The following CLSTN2 variants were observed in gnomAD, a reference collection of about 807,000 sequenced individuals.
CLSTN2 encodes calsyntenin 2.
CLSTN2 carries 48 observed loss-of-function variants against 101.2 expected under a neutral mutation model. That is an observed-to-expected ratio of 0.47 (90% CI 0.38 to 0.60). The LOEUF is 0.60. Among genes scored for constraint, CLSTN2 ranks in the 20% least tolerant of loss-of-function variants. The pLI is 0.00. For synonymous variants in CLSTN2, 481 were observed against 463.6 expected (o/e 1.04, Z -0.48); for missense variants, 1,160 against 1,238.2 (o/e 0.94, Z 0.95).
chr3:140,483,674 A>C (rs1934177639), intron 8 of CLSTN2, among the ~76,000 whole-genome samples: 1 of 152,026 alleles, frequency 6.6e-6, no homozygotes, highest in Non-Finnish European at 1.5e-5. Flanking sequence ...TTCTTGTTGA[A>C]TTGATCCCTT....
At chr3:140,174,269 C>T (rs772292481) in intron 1 of CLSTN2, among the ~76,000 whole-genome samples, 5 of 152,128 alleles carry the variant, frequency 3.3e-5, no homozygotes, top group Admixed American at 6.5e-5. Flanking sequence ...TAACAAGAGT[C>T]ACCTTTGCTC....
chr3:140,490,604 A>G (rs1323785801), intron 8 of CLSTN2, among the ~76,000 whole-genome samples: 1 of 151,538 alleles, frequency 6.6e-6, no homozygotes, highest in African/African-American at 2.4e-5. Flanking sequence ...CAGAAAAAAA[A>G]AAAAAAAAAA....
intron 2 of CLSTN2, among the ~76,000 whole-genome samples, chr3:140,353,892 A>T (rs527755866): frequency 6.6e-6 from 1 of 152,316 alleles, no homozygotes; most frequent in Admixed American, 6.5e-5. Context: ...GATTGTAGGC[A>T]GAGGGACAAC....
chr3:140,367,883 G>C (rs1390514676), intron 2 of CLSTN2, among the ~76,000 whole-genome samples: 3 of 152,158 alleles, frequency 2.0e-5, no homozygotes, highest in Admixed American at 1.3e-4. Context: ...CTCAGCTTGA[G>C]GCCTGGAGCA....
intron 1 of CLSTN2, among the ~76,000 whole-genome samples, chr3:140,160,496 CTT>C (rs1324515952): frequency 6.6e-6 from 1 of 152,132 alleles, no homozygotes; most frequent in African/African-American, 2.4e-5. Flanking sequence ...TCAGGAATGA[CTT>C]TTCCTCCTGA....
intron 1 of CLSTN2, among the ~76,000 whole-genome samples, chr3:140,064,064 G>A (rs1023414837): frequency 5.3e-5 from 8 of 152,124 alleles, no homozygotes; most frequent in East Asian, 3.9e-4. Flanking sequence ...ATACCTGCCC[G>A]GTGAGCAAGC....
At chr3:140,103,451 A>G in intron 1 of CLSTN2, among the ~76,000 whole-genome samples, 1 of 152,232 alleles carries the variant, frequency 6.6e-6, no homozygotes, top group East Asian at 1.9e-4. Flanking sequence ...CACGACTGCC[A>G]TAGTGCCTCC....
chr3:140,531,893 G>T (rs1459613529), intron 8 of CLSTN2, among the ~76,000 whole-genome samples: 1 of 152,156 alleles, frequency 6.6e-6, no homozygotes, highest in Non-Finnish European at 1.5e-5. Flanking sequence ...TGAGATCCTT[G>T]GTTCCTGATC....
chr3:140,036,263 C>A (rs186034074), intron 1 of CLSTN2, among the ~76,000 whole-genome samples: 3 of 152,112 alleles, frequency 2.0e-5, no homozygotes, highest in African/African-American at 7.2e-5. Context: ...ATTCTACTTA[C>A]GTTCTGTATC....
intron 2 of CLSTN2, among the ~76,000 whole-genome samples, chr3:140,216,897 G>A (rs1170380050): frequency 2.6e-5 from 4 of 152,148 alleles, no homozygotes; most frequent in African/African-American, 4.8e-5. Context: ...TTGACCATAT[G>A]CCAGGCTCTG....
At chr3:140,196,780 T>C (rs1018948257) in intron 2 of CLSTN2, among the ~76,000 whole-genome samples, 3 of 152,332 alleles carry the variant, frequency 2.0e-5, no homozygotes, top group African/African-American at 4.8e-5. Flanking sequence ...AACCCCAGAA[T>C]TGAAGATTCT....
intron 5 of CLSTN2, among the ~76,000 whole-genome samples, chr3:140,432,215 G>A (rs115807479): frequency 0.016 from 2,481 of 152,166 alleles, 63 homozygotes; most frequent in African/African-American, 0.056. Context: ...AGCTCACTCT[G>A]CAACCTTGGG....
At chr3:140,015,748 A>C (rs912450965) in intron 1 of CLSTN2, among the ~76,000 whole-genome samples, 2 of 152,270 alleles carry the variant, frequency 1.3e-5, no homozygotes, top group African/African-American at 4.8e-5. Flanking sequence ...CCCGATGATC[A>C]GGCCTGTCTG....
intron 2 of CLSTN2, among the ~76,000 whole-genome samples, chr3:140,246,825 G>A (rs1166185507): frequency 6.6e-6 from 1 of 152,066 alleles, no homozygotes; most frequent in Non-Finnish European, 1.5e-5. Flanking sequence ...TACATGTCAG[G>A]GCTTCCTTAT....
chr3:140,292,673 A>C (rs2086966394), intron 2 of CLSTN2, among the ~76,000 whole-genome samples: 1 of 152,250 alleles, frequency 6.6e-6, no homozygotes, highest in South Asian at 2.1e-4. Context: ...TTTATTAATC[A>C]AATGACATTA....
intron 2 of CLSTN2, among the ~76,000 whole-genome samples, chr3:140,223,584 A>G (rs553061841): frequency 2.6e-5 from 4 of 152,194 alleles, no homozygotes; most frequent in African/African-American, 9.6e-5. Flanking sequence ...TTTCCTAGGC[A>G]GTTTTGTTGT....
At chr3:140,165,630 G>A (rs2010123813) in intron 1 of CLSTN2, among the ~76,000 whole-genome samples, 1 of 152,066 alleles carries the variant, frequency 6.6e-6, no homozygotes, top group Non-Finnish European at 1.5e-5. Flanking sequence ...TATGGCAAAG[G>A]CCTGGATAAC....
intron 1 of CLSTN2, among the ~76,000 whole-genome samples, chr3:140,134,003 G>C (rs2107805420): frequency 6.6e-6 from 1 of 152,196 alleles, no homozygotes; most frequent in East Asian, 1.9e-4. Flanking sequence ...GTCACATCTG[G>C]CTGCAGTTTG....
chr3:140,305,343 G>A (rs377678314), intron 2 of CLSTN2, among the ~76,000 whole-genome samples: 1 of 152,052 alleles, frequency 6.6e-6, no homozygotes, highest in East Asian at 1.9e-4. Context: ...CTGAATACAG[G>A]TCCCTTTAAA....
Sources: allele counts gnomAD v4.1 joint callset (sites outside exome capture counted in the v4.1 genomes callset), GRCh38; gene constraint gnomAD v4.1.1; transcripts MANE v1.5; gene names NCBI Gene and HGNC (gene_info 2026-07-23, HGNC 2026-07-21).